Variants in LNX1 observed in about 807,000 individuals in gnomAD.
LNX1 encodes ligand of numb-protein X 1, also known as E3 ubiquitin-protein ligase LNX.
LNX1 carries 54 observed loss-of-function variants against 68.4 expected under a neutral mutation model. The ratio of observed to expected loss-of-function variants is 0.79; its 90% CI spans 0.63 to 0.99. LNX1 has a LOEUF of 0.99. LNX1 is among the 50% of genes least tolerant of loss of function. The probability of loss-of-function intolerance (pLI) is 0.00; values close to 1 mark genes in which losing one functional copy is unlikely to be tolerated. For missense variants in LNX1, 906 were observed against 926.4 expected, an observed-to-expected ratio of 0.98 and a Z score of 0.29; for synonymous variants, 336 against 350.0, an observed-to-expected ratio of 0.96 and a Z score of 0.45.
intron 1 of LNX1, among the ~76,000 whole-genome samples, chr4:53,577,974 C>A (rs1379497558): frequency 6.6e-6 from 1 of 152,052 alleles, no homozygotes; most frequent in East Asian, 1.9e-4. Context: ...TGCTAGGGGC[C>A]TTATATTATA....
intron 2 of LNX1, among the ~76,000 whole-genome samples, chr4:53,544,725 G>A (rs1256326103): frequency 1.3e-5 from 2 of 152,198 alleles, no homozygotes. Flanking sequence ...AGATGGACAC[G>A]TAAGTAGCTG....
At chr4:53,639,546 T>A (rs1734600133) in intron 1 of LNX1, among the ~76,000 whole-genome samples, 1 of 152,202 alleles carries the variant, frequency 6.6e-6, no homozygotes, top group South Asian at 2.1e-4. Flanking sequence ...TAAACAAGGT[T>A]ATTTATTGAT....
intron 2 of LNX1, among the ~76,000 whole-genome samples, chr4:53,550,487 C>A (rs1483653027): frequency 6.6e-6 from 1 of 152,092 alleles, no homozygotes; most frequent in African/African-American, 2.4e-5. Flanking sequence ...AAGAAAGAAA[C>A]AAATTCTTGG....
chr4:53,623,974 T>A (rs1733979330), intron 1 of LNX1, among the ~76,000 whole-genome samples: 1 of 152,152 alleles, frequency 6.6e-6, no homozygotes, highest in Non-Finnish European at 1.5e-5. Flanking sequence ...GGGTAGTTAT[T>A]CCTCAAAAGA....
chr4:53,573,992 G>A lies in LNX1; in HGVS notation c.11C>T (p.Pro4Leu). ...GGGTTCAGGATCGTTGGCAGACTCT[G>A]GCTGGTTCATGATGGATTGGAGAGC... The part of the protein sequence containing the change: MNQ[P>L]ESANDPEPLC... The change falls in exon 2 of 11, where the codon CCA becomes CTA. Residue 4 changes from proline to leucine, a missense_variant. Transcript: ENST00000263925. The A allele has an allele frequency of 3.1e-6, 5 of 1,610,724 alleles. No individual in the cohort carries two copies. In the African/African-American group the frequency reaches 4.0e-5, roughly 13 times the overall value.
At chr4:53,468,372 C>A (rs984276761) in intron 9 of LNX1, among the ~76,000 whole-genome samples, 1 of 152,220 alleles carries the variant, frequency 6.6e-6, no homozygotes, top group African/African-American at 2.4e-5. Flanking sequence ...CAACCGTTAC[C>A]AGCTACTGCA....
chr4:53,580,325 C>T (rs949269431), intron 1 of LNX1, among the ~76,000 whole-genome samples: 5 of 152,166 alleles, frequency 3.3e-5, no homozygotes, highest in African/African-American at 9.7e-5. Flanking sequence ...CGAGTAGCCT[C>T]GGGTTCAGTC....
chr4:53,470,324 T>C (rs1723060657), intron 9 of LNX1, among the ~76,000 whole-genome samples: 1 of 152,214 alleles, frequency 6.6e-6, no homozygotes, highest in Admixed American at 6.5e-5. Context: ...AAATTAGGTA[T>C]TGATGGGACG....
At chr4:53,516,125 T>C (rs1205967192) in intron 2 of LNX1, among the ~76,000 whole-genome samples, 1 of 152,072 alleles carries the variant, frequency 6.6e-6, no homozygotes, top group Admixed American at 6.6e-5. Flanking sequence ...GCTTGTAGTG[T>C]CAGCTACTCA....
intron 2 of LNX1, among the ~76,000 whole-genome samples, chr4:53,611,107 G>T (rs192768838): frequency 7.2e-5 from 11 of 151,934 alleles, no homozygotes; most frequent in Admixed American, 5.2e-4. Context: ...AAACCCAAAG[G>T]AATCTAATAA....
chr4:53,471,172 T>G (rs1036299419), intron 9 of LNX1, among the ~76,000 whole-genome samples: 9 of 150,808 alleles, frequency 6.0e-5, no homozygotes, highest in Admixed American at 4.6e-4. Context: ...AACGGAGCCC[T>G]CAGAAATAAT....
chr4:53,603,587 G>A (rs1050692716), intron 2 of LNX1: 8 of 152,458 alleles, frequency 5.2e-5, no homozygotes, highest in Non-Finnish European at 8.8e-5. Context: ...GAGGCCTCAG[G>A]AAGCTTCCAA....
chr4:53,478,511 A>G, intron 8 of LNX1, 54 bp downstream of exon 8: 1 of 1,474,478 alleles, frequency 6.8e-7, no homozygotes, highest in Non-Finnish European at 9.3e-7. Context: ...CAAGCTACTA[A>G]TTTCTCTTGA....
intron 6 of LNX1, among the ~76,000 whole-genome samples, chr4:53,482,865 T>TA (rs1724037487): frequency 1.3e-5 from 2 of 152,346 alleles, no homozygotes; most frequent in East Asian, 3.9e-4. Flanking sequence ...ACAAAATGTT[T>TA]AAAAAACTGC....
At chr4:53,550,182 C>T (rs1729406472) in intron 2 of LNX1, among the ~76,000 whole-genome samples, 1 of 152,336 alleles carries the variant, frequency 6.6e-6, no homozygotes, top group Admixed American at 6.5e-5. Flanking sequence ...GGCCATGCGG[C>T]TTCAATTTCC....
At chr4:53,593,004 G>A (rs929798064), upstream of LNX1, 6 of 152,198 alleles carry the variant, frequency 3.9e-5, no homozygotes, top group African/African-American at 1.2e-4. Context: ...CCTTTTGAGA[G>A]TTGAAGGCTT....
intron 9 of LNX1, among the ~76,000 whole-genome samples, chr4:53,467,709 G>C (rs1400701567): frequency 2.0e-5 from 3 of 152,228 alleles, no homozygotes; most frequent in Non-Finnish European, 4.4e-5. Flanking sequence ...AGCCTCAGTA[G>C]CCGATGCGAT....
At chr4:53,564,143 A>C (rs149774712) in intron 2 of LNX1, among the ~76,000 whole-genome samples, 23 of 152,280 alleles carry the variant, frequency 1.5e-4, no homozygotes, top group African/African-American at 5.1e-4. Flanking sequence ...GTTTTCCAAA[A>C]GTGCATCTCA....
chr4:53,585,747 C>T (rs1424141481), intron 1 of LNX1, among the ~76,000 whole-genome samples: 2 of 152,288 alleles, frequency 1.3e-5, no homozygotes, highest in East Asian at 1.9e-4. Context: ...AGAAGACCCT[C>T]TCCTGGAGCC....
Sources: allele counts gnomAD v4.1 joint callset (sites outside exome capture counted in the v4.1 genomes callset), GRCh38; gene constraint gnomAD v4.1.1; transcripts MANE v1.5; gene names NCBI Gene and HGNC (gene_info 2026-07-23, HGNC 2026-07-21).